RAB6B: variants seen among roughly 807,000 people sequenced by gnomAD.
RAB6B encodes ras-related protein Rab-6B.
RAB6B carries 7 observed loss-of-function variants against 31.2 expected under a neutral mutation model. The observed-to-expected ratio is 0.22, with a 90% CI of 0.13 to 0.42. RAB6B has a LOEUF of 0.42. Among genes scored for constraint, RAB6B ranks in the 10% least tolerant of loss-of-function variants. The pLI is 1.00. For synonymous variants in RAB6B, 105 were observed against 104.9 expected, an observed-to-expected ratio of 1.00 and a Z score of -0.01; for missense variants, 149 against 280.6, an observed-to-expected ratio of 0.53 and a Z score of 3.35.
intron 1 of RAB6B, among the ~76,000 whole-genome samples, chr3:133,871,202 G>A (rs1936318617): frequency 1.3e-5 from 2 of 152,230 alleles, no homozygotes; most frequent in Admixed American, 1.3e-4. Context: ...TGCACCTCTG[G>A]CCTCAAGCAG....
rs965996676 is a variant in RAB6B at position 133,865,714 on chromosome 3, C to T, written c.71-1072G>A. Among the ~76,000 whole-genome samples the T allele has an allele frequency of 2.6e-5, 4 of 152,214 alleles. No individual in the cohort carries two copies. In the East Asian group the frequency reaches 7.7e-4, roughly 29 times the overall value. On this transcript the variant is annotated intron_variant, in intron 1 of 7. Transcript: ENST00000285208. ...CTCACCCTCCCATTTCCCAGGCTGG[C>T]AGTACATCCACAAGCTGTGCCTGGT... is the stretch of plus-strand genomic sequence containing the variant.
intron 2 of RAB6B, among the ~76,000 whole-genome samples, chr3:133,855,879 C>G (rs182408232): frequency 6.6e-6 from 1 of 152,312 alleles, no homozygotes; most frequent in East Asian, 1.9e-4. Flanking sequence ...TTGGCTTTCC[C>G]AGCCTCTCTA....
chr3:133,878,661 T>C (rs1431449066), intron 1 of RAB6B, among the ~76,000 whole-genome samples: 1 of 152,232 alleles, frequency 6.6e-6, no homozygotes, highest in Non-Finnish European at 1.5e-5. Flanking sequence ...TTTGAGTCTC[T>C]TTAAAAGATA....
At chr3:133,845,716 T>C (rs1474297624) in intron 2 of RAB6B, among the ~76,000 whole-genome samples, 12 of 152,186 alleles carry the variant, frequency 7.9e-5, no homozygotes, top group Non-Finnish European at 1.0e-4. Flanking sequence ...CTATAACTTA[T>C]TATTCATGAG....
chr3:133,867,192 G>A (rs556574002), intron 1 of RAB6B, among the ~76,000 whole-genome samples: 33 of 152,340 alleles, frequency 2.2e-4, no homozygotes, highest in Non-Finnish European at 4.1e-4. Context: ...GTTTTTTACT[G>A]GGAATTGTGC....
At chr3:133,857,238 C>A (rs976386779) in intron 2 of RAB6B, among the ~76,000 whole-genome samples, 1 of 152,024 alleles carries the variant, frequency 6.6e-6, no homozygotes, top group African/African-American at 2.4e-5. Context: ...AGTTCAAATA[C>A]AAATTAATTA....
At chr3:133,845,194 TCTGAATGTGTCCC>T (rs1935891058) in intron 2 of RAB6B, among the ~76,000 whole-genome samples, 2 of 152,182 alleles carry the variant, frequency 1.3e-5, no homozygotes, top group Admixed American at 1.3e-4. Flanking sequence ...ATCGCTGTGG[TCTGAATGTGTCCC>T]CTGTAACCTC....
chr3:133,885,707 T>A, intron 1 of RAB6B: 1 of 686,542 alleles, frequency 1.5e-6, no homozygotes. Context: ...AGGGGCTAGC[T>A]TTGGTCCATC....
At chr3:133,835,250 A>G (rs773654335) in intron 6 of RAB6B, among the ~76,000 whole-genome samples, 1 of 151,918 alleles carries the variant, frequency 6.6e-6, no homozygotes. Flanking sequence ...GTGTGTGTAC[A>G]GTGTATGTGT....
chr3:133,840,816 C>A (rs1029369835), intron 4 of RAB6B, among the ~76,000 whole-genome samples: 1 of 152,090 alleles, frequency 6.6e-6, no homozygotes, highest in African/African-American at 2.4e-5. Flanking sequence ...CAGCCTACTG[C>A]GCTTCCAGAC....
Position 133,828,485 on chromosome 3 carries a change from G to T in RAB6B, c.*303C>A. On this transcript the variant is annotated 3_prime_UTR_variant, in exon 8 of 8. Transcript: ENST00000285208. ...AATAAAAATGACTACATTTTTATCT[G>T]GCAAAAAATTGTATACACATGATTT... 2.3e-6 allele frequency: 1 copy of T among 434,732 alleles called. No homozygotes were observed. The allele number at this position is 434,732 out of a possible 1,614,324, so 26.9% of individuals were successfully genotyped here. A position where few individuals can be genotyped will look rare whatever the true frequency, so the allele number is the denominator to read the frequency against.
chr3:133,869,773 G>A (rs1160422181), intron 1 of RAB6B, among the ~76,000 whole-genome samples: 1 of 152,162 alleles, frequency 6.6e-6, no homozygotes, highest in African/African-American at 2.4e-5. Flanking sequence ...CTGTGAGGAA[G>A]CCCAAGAAGG....
At chr3:133,831,931 T>C (rs1310268160) in intron 7 of RAB6B, among the ~76,000 whole-genome samples, 1 of 152,214 alleles carries the variant, frequency 6.6e-6, no homozygotes, top group Admixed American at 6.5e-5. Flanking sequence ...AGCACAATCC[T>C]GTCTGTATCT....
At chr3:133,845,477 T>C (rs1935896890) in intron 2 of RAB6B, among the ~76,000 whole-genome samples, 1 of 152,226 alleles carries the variant, frequency 6.6e-6, no homozygotes, top group Non-Finnish European at 1.5e-5. Flanking sequence ...TGCTGGAGCC[T>C]TGATCTTGGA....
chr3:133,888,984 C>T (rs559698243), intron 1 of RAB6B, among the ~76,000 whole-genome samples: 2 of 152,244 alleles, frequency 1.3e-5, no homozygotes, highest in African/African-American at 4.8e-5. Flanking sequence ...AGAGCTCCCT[C>T]GGCTTCTCTT....
At chr3:133,891,415 C>T (rs1171600817) in intron 1 of RAB6B, among the ~76,000 whole-genome samples, 1 of 152,204 alleles carries the variant, frequency 6.6e-6, no homozygotes, top group Non-Finnish European at 1.5e-5. Flanking sequence ...GATGAAGTAG[C>T]AGTAGCCTAC....
Position 133,866,536 on chromosome 3 carries a change from G to T in RAB6B, c.71-1894C>A, listed in dbSNP as rs542916697. ...CCATTTTTAAAACAACATTTCTGGG[G>T]TGAGCAGAAATGTGCCCAAGATCTC... On this transcript the variant is annotated intron_variant, in intron 1 of 7. Coordinates refer to ENST00000285208, the MANE Select transcript of RAB6B (RefSeq NM_016577.4). Among the ~76,000 whole-genome samples the T allele has an allele frequency of 1.1e-4, 17 of 152,356 alleles. No homozygotes were observed. The South Asian group carries it at 3.3e-3, about 30-fold the overall frequency.
chr3:133,861,155 T>A (rs1403937609), intron 2 of RAB6B, among the ~76,000 whole-genome samples: 2 of 152,246 alleles, frequency 1.3e-5, no homozygotes, highest in Admixed American at 6.5e-5. Flanking sequence ...CAGCCAAGTC[T>A]CATCACAATG....
At chr3:133,863,966 G>C (rs1483600154) in intron 2 of RAB6B, among the ~76,000 whole-genome samples, 1 of 152,076 alleles carries the variant, frequency 6.6e-6, no homozygotes, top group East Asian at 1.9e-4. Context: ...TGGCCTTCAG[G>C]GCACCTGGAA....
Sources: allele counts gnomAD v4.1 joint callset (sites outside exome capture counted in the v4.1 genomes callset), GRCh38; gene constraint gnomAD v4.1.1; transcripts MANE v1.5; gene names NCBI Gene and HGNC (gene_info 2026-07-23, HGNC 2026-07-21).